The following TBC1D5 variants were observed in gnomAD, a reference collection of about 807,000 sequenced individuals.
TBC1D5 encodes the protein TBC1 domain family, member 5.
TBC1D5 carries 75 observed loss-of-function variants against 100.3 expected under a neutral mutation model. The ratio of observed to expected loss-of-function variants is 0.75; its 90% CI spans 0.62 to 0.91. The LOEUF is 0.91. Among genes scored for constraint, TBC1D5 ranks in the 40% least tolerant of loss-of-function variants. TBC1D5 has a pLI of 0.00. For missense variants in TBC1D5, 910 were observed against 942.4 expected (o/e 0.97, Z 0.45); for synonymous variants, 323 against 325.6 (o/e 0.99, Z 0.09).
chr3:17,367,296 T>C (rs2092205120), intron 13 of TBC1D5, among the ~76,000 whole-genome samples: 1 of 152,186 alleles, frequency 6.6e-6, no homozygotes, highest in Non-Finnish European at 1.5e-5. Flanking sequence ...ACTCACAACA[T>C]GATGTGTGAT....
Position 17,166,720 on chromosome 3 carries a change from T to C in TBC1D5, c.2094+47A>G, listed in dbSNP as rs374308914. 1.3e-4 allele frequency: 202 copies of C among 1,568,808 alleles called. 1 individual carries two copies. The highest frequency in any genetic ancestry group is 6.9e-4 in the Middle Eastern group (4 of 5,838). ...CTTAACTTTGAGGAACTTATGTGAATGTGCTCCCTTTGAGTTAATGTAACA... is the reference window on the plus strand; with the variant it reads ...CTTAACTTTGAGGAACTTATGTGAACGTGCTCCCTTTGAGTTAATGTAACA... On this transcript the variant is annotated intron_variant, in intron 21 of 21. Coordinates refer to ENST00000253692, the Ensembl canonical transcript of TBC1D5.
intron 3 of TBC1D5, among the ~76,000 whole-genome samples, chr3:17,505,826 T>A (rs1428374387): frequency 6.6e-6 from 1 of 152,210 alleles, no homozygotes; most frequent in Non-Finnish European, 1.5e-5. Flanking sequence ...TTTTATGTGG[T>A]AATTAATGTA....
intron 13 of TBC1D5, among the ~76,000 whole-genome samples, chr3:17,322,344 A>C (rs2085524996): frequency 6.6e-6 from 1 of 152,162 alleles, no homozygotes; most frequent in African/African-American, 2.4e-5. Flanking sequence ...AATAGGGTTG[A>C]CTTTATTTTA....
intron 19 of TBC1D5, among the ~76,000 whole-genome samples, chr3:17,174,546 T>G (rs2067503605): frequency 6.6e-6 from 1 of 152,086 alleles, no homozygotes; most frequent in African/African-American, 2.4e-5. Context: ...AATTTCAGAT[T>G]ACCACTCCAC....
At chr3:17,269,905 C>A (rs1422031394) in intron 15 of TBC1D5, among the ~76,000 whole-genome samples, 3 of 151,986 alleles carry the variant, frequency 2.0e-5, no homozygotes, top group African/African-American at 7.2e-5. Flanking sequence ...CTGATGGGCT[C>A]CTAGGTTTAT....
chr3:17,388,164 C>A (rs1003327924), intron 8 of TBC1D5, among the ~76,000 whole-genome samples: 24 of 151,948 alleles, frequency 1.6e-4, no homozygotes, highest in Non-Finnish European at 3.5e-4. Context: ...CTCAACTGAT[C>A]AGTATTGATA....
chr3:17,536,806 C>A (rs766300056), intron 2 of TBC1D5, among the ~76,000 whole-genome samples: 5 of 152,164 alleles, frequency 3.3e-5, no homozygotes, highest in African/African-American at 9.7e-5. Context: ...TTTAGGGATT[C>A]TTTAGGTGGC....
At chr3:17,548,421 C>A (rs2096439717) in intron 2 of TBC1D5, among the ~76,000 whole-genome samples, 1 of 152,194 alleles carries the variant, frequency 6.6e-6, no homozygotes, top group African/African-American at 2.4e-5. Context: ...CAGCAACTAT[C>A]CCACAGTGTT....
chr3:17,377,531 TA>T (rs2092757409), intron 9 of TBC1D5, among the ~76,000 whole-genome samples: 1 of 152,024 alleles, frequency 6.6e-6, no homozygotes. Context: ...TTTTGCTTAG[TA>T]ACTAGGGATG....
intron 19 of TBC1D5, among the ~76,000 whole-genome samples, chr3:17,169,103 C>G (rs1447288483): frequency 1.3e-5 from 2 of 152,224 alleles, no homozygotes; most frequent in Admixed American, 1.3e-4. Context: ...CCAAATGACT[C>G]TCCAGTCTCT....
chr3:17,621,770 C>T (rs2062681905), intron 2 of TBC1D5, among the ~76,000 whole-genome samples: 1 of 151,728 alleles, frequency 6.6e-6, no homozygotes, highest in Non-Finnish European at 1.5e-5. Context: ...AGCTCTTGTA[C>T]ATTTATCAGA....
chr3:17,331,029 T>C (rs974662388), intron 13 of TBC1D5, among the ~76,000 whole-genome samples: 2 of 152,208 alleles, frequency 1.3e-5, no homozygotes, highest in Admixed American at 1.3e-4. Flanking sequence ...TTTGACTGCA[T>C]TGCCCTTCTG....
chr3:17,610,223 G>A (rs1245368104), intron 2 of TBC1D5, among the ~76,000 whole-genome samples: 2 of 151,788 alleles, frequency 1.3e-5, no homozygotes, highest in Non-Finnish European at 2.9e-5. Context: ...CTCATTCTTT[G>A]GCCCAGGCTG....
In TBC1D5 at chr3:17,184,941, A is replaced by G. The variant is rs1276038306; in HGVS notation, c.1852+168T>C. 1.3e-5 allele frequency: 6 copies of G among 462,202 alleles called. No individual in the cohort carries two copies. The South Asian group carries it at 2.6e-4, about 20-fold the overall frequency. 28.6% of individuals were successfully genotyped at this position (462,202 alleles called of 1,614,324 possible). Reference sequence around the variant, plus strand: ...CCTCTATGCCTTGGTTTCTTCATCTATATAATGTAGAGAGTGAGAGTAAGA... The same window carrying G: ...CCTCTATGCCTTGGTTTCTTCATCTGTATAATGTAGAGAGTGAGAGTAAGA... On this transcript the variant is annotated intron_variant, in intron 19 of 21. Transcript: ENST00000253692.
chr3:17,722,013 T>C (rs2075751051), intron 1 of TBC1D5, among the ~76,000 whole-genome samples: 1 of 152,026 alleles, frequency 6.6e-6, no homozygotes, highest in Non-Finnish European at 1.5e-5. Flanking sequence ...CTACTAATAA[T>C]AATAATAATG....
At chr3:17,167,449 A>C (rs958882154) in intron 20 of TBC1D5, among the ~76,000 whole-genome samples, 1 of 152,260 alleles carries the variant, frequency 6.6e-6, no homozygotes, top group Non-Finnish European at 1.5e-5. Flanking sequence ...TCATGGATGA[A>C]TGACTGAACA....
chr3:17,442,852 G>C (rs1441967357), intron 3 of TBC1D5, among the ~76,000 whole-genome samples: 1 of 151,996 alleles, frequency 6.6e-6, no homozygotes, highest in African/African-American at 2.4e-5. Flanking sequence ...TTGGTAATGG[G>C]AAGGAAGGGA....
At chr3:17,405,603 C>T (rs902675093) in intron 5 of TBC1D5, among the ~76,000 whole-genome samples, 4 of 151,912 alleles carry the variant, frequency 2.6e-5, no homozygotes, top group East Asian at 1.9e-4. Flanking sequence ...ATGGGGGTGG[C>T]GCACAAATAC....
At chr3:17,263,794 G>A (rs1368557731) in intron 15 of TBC1D5, among the ~76,000 whole-genome samples, 1 of 152,188 alleles carries the variant, frequency 6.6e-6, no homozygotes, top group African/African-American at 2.4e-5. Flanking sequence ...TAAAGCCCAT[G>A]CTACGCTTCT....
Sources: gnomAD v4.1 joint callset for allele counts (sites outside exome capture counted in the v4.1 genomes callset) on GRCh38, gnomAD v4.1.1 for gene constraint, MANE v1.5 for transcripts, NCBI Gene and HGNC (gene_info 2026-07-23, HGNC 2026-07-21) for gene names.